RINT1: variants seen among roughly 807,000 people sequenced by gnomAD.
RINT1 encodes RAD50-interacting protein 1.
Under a neutral mutation model 97.7 loss-of-function variants are expected in RINT1, and 75 were observed. The ratio of observed to expected loss-of-function variants is 0.77; its 90% CI spans 0.64 to 0.93. The LOEUF (loss-of-function observed/expected upper bound fraction) is 0.93, where lower values mean the gene tolerates loss of function less well. Ranked by LOEUF, RINT1 falls within the 40% of genes least tolerant of loss-of-function variation. The pLI is 0.00. For missense variants in RINT1, 892 were observed against 925.2 expected (o/e 0.96, Z 0.47); for synonymous variants, 303 against 326.3 (o/e 0.93, Z 0.77).
intron 7 of RINT1, among the ~76,000 whole-genome samples, chr7:105,549,607 C>T (rs1790841361): frequency 6.6e-6 from 1 of 152,072 alleles, no homozygotes; most frequent in Admixed American, 6.6e-5. Context: ...CCTCGGCCTC[C>T]CAAAGTGCTG....
intron 4 of RINT1, 30 bp downstream of exon 4, chr7:105,542,679 A>G: frequency 6.2e-7 from 1 of 1,604,436 alleles, no homozygotes; most frequent in Admixed American, 1.7e-5. Context: ...TCTCACAATT[A>G]CTATTTTCCT....
chr7:105,542,383 CT>C, intron 3 of RINT1, 24 bp from the exon 4 acceptor site: 2 of 1,519,694 alleles, frequency 1.3e-6, no homozygotes, highest in Non-Finnish European at 1.8e-6. Flanking sequence ...TTCTTTCTTT[CT>C]TTCTTTTTTA....
chr7:105,548,203 G>GT (rs1463829204), intron 6 of RINT1, among the ~76,000 whole-genome samples: 2 of 151,750 alleles, frequency 1.3e-5, no homozygotes, highest in Non-Finnish European at 2.9e-5. Flanking sequence ...AATTTTTGTT[G>GT]TTTTTTGTAG....
chr7:105,555,749 G>A (rs1283655296), intron 11 of RINT1, among the ~76,000 whole-genome samples: 1 of 152,174 alleles, frequency 6.6e-6, no homozygotes, highest in African/African-American at 2.4e-5. Context: ...AGGAGGCTGA[G>A]ATGGGAGAAT....
At chr7:105,562,970 T>C (rs765900902) in intron 11 of RINT1, among the ~76,000 whole-genome samples, 14 of 152,232 alleles carry the variant, frequency 9.2e-5, no homozygotes, top group Non-Finnish European at 2.1e-4. Flanking sequence ...CATTTGTTCA[T>C]AATAGACAAA....
intron 9 of RINT1, among the ~76,000 whole-genome samples, chr7:105,551,111 C>G (rs1289751671): frequency 6.6e-6 from 1 of 152,134 alleles, no homozygotes; most frequent in Non-Finnish European, 1.5e-5. Context: ...TTACTGCAGC[C>G]TCGACCTCTG....
intron 11 of RINT1, among the ~76,000 whole-genome samples, chr7:105,558,144 G>A (rs7796218): frequency 0.08 from 12,127 of 151,580 alleles, 1,504 homozygotes; most frequent in African/African-American, 0.26. Context: ...GTGAAACCCT[G>A]TCTTTACTAA....
intron 4 of RINT1, among the ~76,000 whole-genome samples, chr7:105,545,999 TGGGGAA>T (rs1790651963): frequency 4.8e-5 from 1 of 20,924 alleles, no homozygotes; most frequent in Non-Finnish European, 9.0e-5. Flanking sequence ...AGATGGGGGA[TGGGGAA>T]GGGGGGGCGG....
At chr7:105,550,203 T>C (rs1790865669) in intron 8 of RINT1, 38 bp downstream of exon 8, 1 of 1,603,456 alleles carries the variant, frequency 6.2e-7, no homozygotes, top group Admixed American at 1.7e-5. Flanking sequence ...GTTTTAGAAC[T>C]GTATGTGTGC....
In RINT1 at chr7:105,536,429, G is replaced by T. The variant is rs1790237571; in HGVS notation, c.89-136G>T. On this transcript the variant is annotated intron_variant, in intron 2 of 14. Transcript: ENST00000257700. Reference sequence around the variant, plus strand: ...CTGCCTCAGCCTCCCAAAGTGCTGGGATCACAGGTGTGAGCCACCGTGCCT... The same window carrying T: ...CTGCCTCAGCCTCCCAAAGTGCTGGTATCACAGGTGTGAGCCACCGTGCCT... 3.9e-5 allele frequency: 21 copies of T among 544,278 alleles called. No individual in the cohort carries two copies. The South Asian group carries it at 5.6e-4, about 15-fold the overall frequency. The allele number at this position is 544,278 out of a possible 1,614,324, so 33.7% of individuals were successfully genotyped here. A position where few individuals can be genotyped will look rare whatever the true frequency, so the allele number is the denominator to read the frequency against.
At chr7:105,553,536 C>T (rs1279518780) in intron 10 of RINT1, among the ~76,000 whole-genome samples, 1 of 150,990 alleles carries the variant, frequency 6.6e-6, no homozygotes, top group Non-Finnish European at 1.5e-5. Flanking sequence ...CTGGCTAACA[C>T]AGTGAAACCC....
chr7:105,537,125 ATTTT>A (rs5886357), intron 3 of RINT1, among the ~76,000 whole-genome samples: 52 of 113,332 alleles, frequency 4.6e-4, no homozygotes, highest in African/African-American at 1.1e-3. Context: ...CATCATTTCA[ATTTT>A]TTTTTTTTTT....
At chr7:105,566,147 G>T (rs762494686) in intron 14 of RINT1, among the ~76,000 whole-genome samples, 2 of 151,566 alleles carry the variant, frequency 1.3e-5, no homozygotes, top group Non-Finnish European at 2.9e-5. Context: ...GCCTGGTGGC[G>T]GGCACCTGTA....
At chr7:105,539,026 G>C (rs1790354918) in intron 3 of RINT1, among the ~76,000 whole-genome samples, 1 of 152,148 alleles carries the variant, frequency 6.6e-6, no homozygotes. Flanking sequence ...TGATTGTCAG[G>C]CTTCAGAAAG....
At position 105,551,091 on chromosome 7, in the gene RINT1, C is replaced by T. The variant is rs540518940; in HGVS notation, c.1334-479C>T. Among the ~76,000 whole-genome samples, 8 of 152,136 alleles carry T rather than the reference C, an allele frequency of 5.3e-5. No homozygotes were observed. The East Asian group carries it at 7.7e-4, about 15-fold the overall frequency. Reference sequence around the variant, plus strand: ...TCACCGAGGCTAGAGTGGAGTGGGCCGATCATGGCTTACTGCAGCCTCGAC... The same window carrying T: ...TCACCGAGGCTAGAGTGGAGTGGGCTGATCATGGCTTACTGCAGCCTCGAC... On this transcript the variant is annotated intron_variant, in intron 9 of 14. Transcript: ENST00000257700.
intron 2 of RINT1, among the ~76,000 whole-genome samples, chr7:105,534,769 C>A (rs1364881098): frequency 2.0e-5 from 3 of 151,928 alleles, no homozygotes; most frequent in African/African-American, 7.3e-5. Context: ...CTGGATCTTG[C>A]ACTGAACAGG....
At chr7:105,533,008 A>G (rs932668588) in intron 2 of RINT1, 139 bp downstream of exon 2, 3 of 760,244 alleles carry the variant, frequency 3.9e-6, no homozygotes, top group Admixed American at 2.3e-5. Flanking sequence ...GGTAATACTG[A>G]TGACCATGAT....
chr7:105,548,581 A>G lies in RINT1; in HGVS notation c.867A>G (p.Gln289=). The change falls in exon 7 of 15, where the codon CAA becomes CAG. Residue 289 remains glutamine, a synonymous_variant. Transcript: ENST00000257700. ...ATGAATTACTTACTGAGCCAAAGCA[A>G]CTCCCAGAAAAATACTCTCTTCCTG... ...TSDELLTEPK[Q]LPEKYSLPAS... is the part of the protein sequence containing the mutation. 1.9e-6 allele frequency: 3 copies of G among 1,613,964 alleles called. No homozygotes were observed. Among genetic ancestry groups the G allele is most frequent in the Non-Finnish European group, 2.5e-6 (3 of 1,179,978 alleles).
intron 2 of RINT1, among the ~76,000 whole-genome samples, chr7:105,534,033 T>A (rs945730722): frequency 1.3e-5 from 2 of 152,058 alleles, no homozygotes; most frequent in Admixed American, 1.3e-4. Flanking sequence ...TCACTAAGAA[T>A]GTACTATGCC....
Sources: allele counts gnomAD v4.1 joint callset (sites outside exome capture counted in the v4.1 genomes callset), GRCh38; gene constraint gnomAD v4.1.1; transcripts MANE v1.5; gene names NCBI Gene and HGNC (gene_info 2026-07-23, HGNC 2026-07-21).